The following EBF2 variants were observed in gnomAD, a reference collection of about 807,000 sequenced individuals.
EBF2 encodes the protein EBF transcription factor 2.
EBF2 carries 21 observed loss-of-function variants against 72.8 expected under a neutral mutation model. The observed-to-expected ratio is 0.29, with a 90% CI of 0.20 to 0.42. The LOEUF (loss-of-function observed/expected upper bound fraction) is 0.42. Among genes scored for constraint, EBF2 ranks in the 10% least tolerant of loss-of-function variants. The probability of loss-of-function intolerance (pLI) is 1.00; values close to 1 mark genes in which losing one functional copy is unlikely to be tolerated. For synonymous variants in EBF2, 299 were observed against 274.2 expected (o/e 1.09, Z -0.89); for missense variants, 637 against 731.2 (o/e 0.87, Z 1.49).
chr8:25,959,833 T>C (rs1585208616), intron 6 of EBF2, among the ~76,000 whole-genome samples: 1 of 151,954 alleles, frequency 6.6e-6, no homozygotes, highest in East Asian at 1.9e-4. Context: ...AATGTGGAGG[T>C]CTGAGAAGCA....
intron 7 of EBF2, among the ~76,000 whole-genome samples, chr8:25,892,794 A>G (rs1210661542): frequency 2.0e-5 from 3 of 152,214 alleles, no homozygotes; most frequent in Non-Finnish European, 4.4e-5. Flanking sequence ...GGGCCCAGAG[A>G]TTCAAAGAAT....
intron 6 of EBF2, among the ~76,000 whole-genome samples, chr8:26,022,509 G>A (rs1204482324): frequency 6.6e-6 from 1 of 152,158 alleles, no homozygotes; most frequent in African/African-American, 2.4e-5. Context: ...GCCATCTTGT[G>A]AGTCCTCTGT....
chr8:25,935,275 A>G (rs1392191406), intron 6 of EBF2, among the ~76,000 whole-genome samples: 1 of 152,156 alleles, frequency 6.6e-6, no homozygotes, highest in African/African-American at 2.4e-5. Flanking sequence ...GGGGAAAAGC[A>G]AGTCACTTTC....
Position 26,044,884 on chromosome 8 carries a change from C to A in EBF2, c.-25G>T. 1 of 1,611,898 alleles carries A rather than the reference C, an allele frequency of 6.2e-7. No individual in the cohort carries two copies. The highest frequency in any genetic ancestry group is 1.1e-5 in the South Asian group (1 of 90,830). On this transcript the variant is annotated 5_prime_UTR_variant, in exon 1 of 16. Coordinates refer to ENST00000520164, the MANE Select transcript of EBF2 (RefSeq NM_022659.4). The surrounding 1 kb of genome is among the most constrained non-coding windows in gnomAD (Gnocchi z 4.1). ...TTTAAAAAGTCTGATCCTCTACTGT[C>A]GCTTTAAAAGTAAGAGTTACAACAC...
chr8:25,998,049 CA>C (rs1188071776), intron 6 of EBF2, among the ~76,000 whole-genome samples: 1 of 152,046 alleles, frequency 6.6e-6, no homozygotes, highest in Non-Finnish European at 1.5e-5. Flanking sequence ...CTTTGGCAAA[CA>C]AAATAGACTA....
intron 7 of EBF2, among the ~76,000 whole-genome samples, chr8:25,901,761 C>T (rs1304834454): frequency 6.6e-6 from 1 of 152,202 alleles, no homozygotes. Context: ...CCACAAACAT[C>T]TATACTTGAC....
intron 5 of EBF2, 32 bp downstream of exon 5, chr8:26,039,996 T>C (rs1585237900): frequency 6.2e-7 from 1 of 1,610,170 alleles, no homozygotes; most frequent in Non-Finnish European, 8.5e-7. Context: ...CTGCGGGCTC[T>C]CCAGGAAGGC....
At chr8:25,929,306 A>G (rs767209766) in intron 6 of EBF2, among the ~76,000 whole-genome samples, 30 of 152,212 alleles carry the variant, frequency 2.0e-4, no homozygotes, top group Non-Finnish European at 4.3e-4. Flanking sequence ...CTGGCTCCAC[A>G]GTTTGCTTGT....
intron 15 of EBF2, among the ~76,000 whole-genome samples, chr8:25,848,854 G>A (rs541194946): frequency 1.6e-4 from 25 of 152,222 alleles, no homozygotes; most frequent in African/African-American, 6.0e-4. Flanking sequence ...CTCGGGTTAA[G>A]GTCGATGAAT....
In EBF2 at chr8:25,992,576, A is replaced by G. The variant is rs148370354; in HGVS notation, c.551+40509T>C. ...TAAAGCCACAGACCCATCAGGCCCA[A>G]AGGCAACAGAACTTCTTTAAATCAA... On this transcript the variant is annotated intron_variant, in intron 6 of 15. Coordinates refer to ENST00000520164, the MANE Select transcript of EBF2 (RefSeq NM_022659.4). Among the ~76,000 whole-genome samples, 621 of 152,068 alleles carry G rather than the reference A, an allele frequency of 4.1e-3. 3 individuals are homozygous for G. Among genetic ancestry groups the G allele is most frequent in the African/African-American group, 0.014 (571 of 41,494 alleles).
At chr8:25,956,742 C>T (rs544721699) in intron 6 of EBF2, among the ~76,000 whole-genome samples, 30 of 152,308 alleles carry the variant, frequency 2.0e-4, no homozygotes, top group Middle Eastern at 3.4e-3. Context: ...CAGGTGGGGC[C>T]GTTGTGATGG....
intron 6 of EBF2, among the ~76,000 whole-genome samples, chr8:25,996,332 T>G (rs1585220500): frequency 6.7e-6 from 1 of 149,416 alleles, no homozygotes; most frequent in South Asian, 2.1e-4. Flanking sequence ...TTGAAGAAGA[T>G]GTGAAAAACA....
chr8:26,016,189 A>T (rs1805108022), intron 6 of EBF2, among the ~76,000 whole-genome samples: 1 of 152,076 alleles, frequency 6.6e-6, no homozygotes, highest in Non-Finnish European at 1.5e-5. Flanking sequence ...TTCTCACTCC[A>T]CTTCATCTGA....
chr8:25,911,481 T>A (rs1454106855), intron 6 of EBF2, among the ~76,000 whole-genome samples: 1 of 152,014 alleles, frequency 6.6e-6, no homozygotes, highest in Non-Finnish European at 1.5e-5. Context: ...GGTCCCTAGG[T>A]CAGTGGGGCA....
At chr8:26,003,209 T>C (rs1466564) in intron 6 of EBF2, among the ~76,000 whole-genome samples, 10,074 of 152,092 alleles carry the variant, frequency 0.066, 773 homozygotes, top group East Asian at 0.34. Flanking sequence ...GATAACTAAT[T>C]ATGTATTGGG....
chr8:25,848,395 G>C (rs1330728673), intron 15 of EBF2, among the ~76,000 whole-genome samples: 2 of 152,224 alleles, frequency 1.3e-5, no homozygotes, highest in African/African-American at 4.8e-5. Flanking sequence ...ACCCTGGAGA[G>C]GGTCTTCTGT....
At chr8:25,910,895 T>C (rs1803115159) in intron 6 of EBF2, among the ~76,000 whole-genome samples, 1 of 152,168 alleles carries the variant, frequency 6.6e-6, no homozygotes, top group African/African-American at 2.4e-5. Context: ...AAAGAAGGTA[T>C]TGCTACTTCT....
At chr8:25,930,172 A>C (rs1803457033) in intron 6 of EBF2, among the ~76,000 whole-genome samples, 1 of 152,156 alleles carries the variant, frequency 6.6e-6, no homozygotes, top group Non-Finnish European at 1.5e-5. Context: ...GCTCATCCAG[A>C]ATCAGGTATA....
At chr8:25,921,380 C>T (rs1020929240) in intron 6 of EBF2, among the ~76,000 whole-genome samples, 10 of 152,050 alleles carry the variant, frequency 6.6e-5, no homozygotes, top group Non-Finnish European at 1.5e-4. Context: ...GGACAAAAAT[C>T]AGGTCAAGAA....
Sources: gnomAD v4.1 joint callset for allele counts (sites outside exome capture counted in the v4.1 genomes callset) on GRCh38, gnomAD v4.1.1 for gene constraint, Gnocchi (gnomAD v3.1) non-coding constraint, MANE v1.5 for transcripts, NCBI Gene and HGNC (gene_info 2026-07-23, HGNC 2026-07-21) for gene names.